The following KCTD8 variants were observed in gnomAD, a reference collection of about 807,000 sequenced individuals.
KCTD8 encodes the protein potassium channel tetramerization domain containing 8, also known as BTB/POZ domain-containing protein KCTD8.
In KCTD8, 27 loss-of-function variants were observed where a neutral mutation model predicts 31.5. The observed-to-expected ratio is 0.86, with a 90% CI of 0.63 to 1.18. KCTD8 has a LOEUF of 1.18. Among genes scored for constraint, KCTD8 ranks in the 50% most tolerant of loss-of-function variants. The pLI is 0.00. For missense variants in KCTD8, 658 were observed against 647.7 expected (o/e 1.02, Z -0.17); for synonymous variants, 290 against 280.0 (o/e 1.04, Z -0.36).
At chr4:44,284,508 T>C (rs1156405685) in intron 1 of KCTD8, among the ~76,000 whole-genome samples, 3 of 151,924 alleles carry the variant, frequency 2.0e-5, no homozygotes, top group Non-Finnish European at 4.4e-5. Context: ...AGATCTAGGA[T>C]CACAAAAATC....
In KCTD8 at chr4:44,175,138, G is replaced by A; in HGVS notation, c.1074C>T (p.Ser358=). The A allele has an allele frequency of 1.2e-6, 2 of 1,613,878 alleles. No homozygotes were observed. Among genetic ancestry groups the A allele is most frequent in the Non-Finnish European group, 1.7e-6 (2 of 1,179,910 alleles). The change falls in exon 2 of 2, where the codon TCC becomes TCT. Residue 358 remains serine (S), a synonymous_variant. Coordinates refer to ENST00000360029, the MANE Select transcript of KCTD8 (RefSeq NM_198353.3). ...SGTSCNELST[S]SCDSHSEAST... Reference sequence around the variant, plus strand: ...TTGCCTCTGAATGGCTGTCACAACTGGAAGTGGAGAGCTCATTACAGGAAG... The same window carrying A: ...TTGCCTCTGAATGGCTGTCACAACTAGAAGTGGAGAGCTCATTACAGGAAG...
At chr4:44,240,848 G>A (rs937596320) in intron 1 of KCTD8, among the ~76,000 whole-genome samples, 2 of 152,202 alleles carry the variant, frequency 1.3e-5, no homozygotes, top group African/African-American at 4.8e-5. Flanking sequence ...CATAGCACCA[G>A]TGGCTATTGT....
intron 1 of KCTD8, among the ~76,000 whole-genome samples, chr4:44,197,379 C>T (rs1456741728): frequency 6.6e-6 from 1 of 152,122 alleles, no homozygotes; most frequent in African/African-American, 2.4e-5. Flanking sequence ...GGAACAGCAA[C>T]AGTAATCAAA....
At chr4:44,418,279 A>C (rs898782243) in intron 1 of KCTD8, among the ~76,000 whole-genome samples, 1 of 152,202 alleles carries the variant, frequency 6.6e-6, no homozygotes, top group Non-Finnish European at 1.5e-5. Flanking sequence ...CACTATAGAA[A>C]GTGATTAGAC....
At chr4:44,364,822 T>C (rs985386558) in intron 1 of KCTD8, among the ~76,000 whole-genome samples, 1 of 151,854 alleles carries the variant, frequency 6.6e-6, no homozygotes, top group African/African-American at 2.4e-5. Context: ...ATGCATGTGA[T>C]TCCAAATATA....
At chr4:44,441,842 C>G (rs1227330889) in intron 1 of KCTD8, among the ~76,000 whole-genome samples, 2 of 152,100 alleles carry the variant, frequency 1.3e-5, no homozygotes, top group Non-Finnish European at 2.9e-5. Context: ...GATTCTGTAC[C>G]TTGAAATAAT....
chr4:44,345,141 A>AT lies in KCTD8; in HGVS notation c.961+102421dup, dbSNP rs555079125. ...TTTCTAGGACTTATTTTGTTCATTT[A>AT]TAGTAGTCTAGTATTTAAGAACATT... On this transcript the variant is annotated intron_variant, in intron 1 of 1. Coordinates refer to ENST00000360029, the MANE Select transcript of KCTD8 (RefSeq NM_198353.3). Among the ~76,000 whole-genome samples the AT allele has an allele frequency of 2.1e-4, 32 of 152,224 alleles. 1 individual carries two copies. In the East Asian group the frequency reaches 6.0e-3, roughly 28 times the overall value.
intron 1 of KCTD8, among the ~76,000 whole-genome samples, chr4:44,266,854 T>C (rs62304818): frequency 0.12 from 18,071 of 151,810 alleles, 1,269 homozygotes; most frequent in East Asian, 0.24. Flanking sequence ...CTATCCTAAA[T>C]ATATAGGCAC....
At chr4:44,360,367 A>C (rs1245379577) in intron 1 of KCTD8, among the ~76,000 whole-genome samples, 1 of 152,068 alleles carries the variant, frequency 6.6e-6, no homozygotes, top group Non-Finnish European at 1.5e-5. Context: ...TTTGCTTTCC[A>C]TCAGTGCCAT....
At chr4:44,394,546 T>C (rs1720448654) in intron 1 of KCTD8, among the ~76,000 whole-genome samples, 1 of 152,276 alleles carries the variant, frequency 6.6e-6, no homozygotes, top group African/African-American at 2.4e-5. Context: ...GATGTGGTCA[T>C]TATGAATCCT....
intron 1 of KCTD8, among the ~76,000 whole-genome samples, chr4:44,421,974 CATTA>C (rs1721223312): frequency 6.6e-6 from 1 of 152,098 alleles, no homozygotes; most frequent in African/African-American, 2.4e-5. Flanking sequence ...TGTGCATGGG[CATTA>C]ATTAACTGTT....
chr4:44,370,081 GGTTGA>G (rs1331453726), intron 1 of KCTD8, among the ~76,000 whole-genome samples: 1 of 152,136 alleles, frequency 6.6e-6, no homozygotes, highest in African/African-American at 2.4e-5. Context: ...TAGATATCAT[GGTTGA>G]GTTCTCTTTC....
chr4:44,411,290 AAC>A (rs1012092979), intron 1 of KCTD8, among the ~76,000 whole-genome samples: 2 of 151,628 alleles, frequency 1.3e-5, no homozygotes, highest in African/African-American at 4.8e-5. Context: ...AAGTGGGAGA[AAC>A]GACTGATCCC....
At chr4:44,310,303 A>G (rs1717914340) in intron 1 of KCTD8, among the ~76,000 whole-genome samples, 2 of 152,138 alleles carry the variant, frequency 1.3e-5, no homozygotes, top group Non-Finnish European at 2.9e-5. Flanking sequence ...AACAGCTTTA[A>G]TACATAATTT....
At position 44,448,236 on chromosome 4, in the gene KCTD8, G is replaced by A; in HGVS notation, c.288C>T (p.Arg96=). Residue 96 remains arginine (R), a synonymous_variant, in exon 1 of 2, where the codon CGC becomes CGT. Coordinates refer to ENST00000360029, the MANE Select transcript of KCTD8 (RefSeq NM_198353.3). The surrounding 1 kb of genome is among the most constrained non-coding windows in gnomAD (Gnocchi z 4.1). ...RGELPRDSRA[R]FFIDRDGFLF... is the part of the protein sequence containing the mutation. ...GGAAGCCGTCCCGGTCGATGAAGAA[G>A]CGCGCCCGGCTGTCCCTGGGCAGCT... The A allele has an allele frequency of 6.2e-7, 1 of 1,611,572 alleles. No individual in the cohort carries two copies. Among genetic ancestry groups the A allele is most frequent in the South Asian group, 1.1e-5 (1 of 90,944 alleles).
At chr4:44,190,560 C>T (rs1391475785) in intron 1 of KCTD8, among the ~76,000 whole-genome samples, 1 of 152,158 alleles carries the variant, frequency 6.6e-6, no homozygotes, top group African/African-American at 2.4e-5. Flanking sequence ...TAATGCCCTA[C>T]CAAATCAGCC....
chr4:44,191,933 A>G (rs1713775854), intron 1 of KCTD8, among the ~76,000 whole-genome samples: 1 of 152,026 alleles, frequency 6.6e-6, no homozygotes, highest in Non-Finnish European at 1.5e-5. Context: ...CCCTGTTCAT[A>G]CACCCCCTCC....
chr4:44,316,063 T>G (rs2109402584), intron 1 of KCTD8, among the ~76,000 whole-genome samples: 1 of 152,202 alleles, frequency 6.6e-6, no homozygotes, highest in Middle Eastern at 3.4e-3. Flanking sequence ...GCGGGCTCTT[T>G]TTCCCATTTT....
intron 1 of KCTD8, among the ~76,000 whole-genome samples, chr4:44,206,389 C>T (rs932634724): frequency 3.9e-5 from 6 of 152,162 alleles, no homozygotes; most frequent in Non-Finnish European, 7.3e-5. Flanking sequence ...CCACTTGACT[C>T]CAACAGCCCC....
Sources: allele counts gnomAD v4.1 joint callset (sites outside exome capture counted in the v4.1 genomes callset), GRCh38; gene constraint gnomAD v4.1.1; non-coding constraint Gnocchi (gnomAD v3.1); transcripts MANE v1.5; gene names NCBI Gene and HGNC (gene_info 2026-07-23, HGNC 2026-07-21).